ATG7: variants seen among roughly 807,000 people sequenced by gnomAD.
ATG7 encodes the protein ubiquitin-like modifier-activating enzyme ATG7.
A neutral mutation model predicts 82.4 loss-of-function variants in ATG7; 70 were observed. The ratio of observed to expected loss-of-function variants is 0.85; its 90% CI spans 0.70 to 1.04. The LOEUF (loss-of-function observed/expected upper bound fraction) is 1.04. Among genes scored for constraint, ATG7 ranks in the 50% least tolerant of loss-of-function variants. ATG7 has a pLI of 0.00. For synonymous variants in ATG7, 287 were observed against 313.0 expected, an observed-to-expected ratio of 0.92 and a Z score of 0.88; for missense variants, 792 against 864.3, an observed-to-expected ratio of 0.92 and a Z score of 1.05.
intron 20 of ATG7, among the ~76,000 whole-genome samples, chr3:11,494,715 A>G (rs4470494): frequency 6.6e-6 from 1 of 152,188 alleles, no homozygotes. Context: ...TGTGTCAGAT[A>G]CTAGTCATAG....
At chr3:11,435,905 A>T (rs150558845) in intron 20 of ATG7, among the ~76,000 whole-genome samples, 2 of 152,276 alleles carry the variant, frequency 1.3e-5, no homozygotes, top group East Asian at 3.9e-4. Context: ...GCATTTTGCA[A>T]ATCATACCTG....
At chr3:11,289,682 C>T in intron 3 of ATG7, among the ~76,000 whole-genome samples, 1 of 152,136 alleles carries the variant, frequency 6.6e-6, no homozygotes, top group Non-Finnish European at 1.5e-5. Context: ...CTCAGCTTCC[C>T]GAGTTGTTGG....
intron 20 of ATG7, among the ~76,000 whole-genome samples, chr3:11,523,691 G>A (rs185762985): frequency 6.6e-6 from 1 of 152,176 alleles, no homozygotes; most frequent in African/African-American, 2.4e-5. Context: ...AGCAACAAAG[G>A]TTTTAAAATG....
chr3:11,404,734 G>A (rs2080170662), intron 19 of ATG7, among the ~76,000 whole-genome samples: 1 of 152,086 alleles, frequency 6.6e-6, no homozygotes, highest in Non-Finnish European at 1.5e-5. Context: ...CAATCATGGT[G>A]GAAAGCAAAA....
chr3:11,282,337 A>T lies in ATG7; in HGVS notation c.-112A>T, dbSNP rs956731864. The stretch of plus-strand genomic sequence containing the variant: ...GAAAAACAGCTCCTGGAAGTAACCA[A>T]TGAGAAGGACAGATAAGAGTTTGAA... On this transcript the variant is annotated 5_prime_UTR_variant, in exon 3 of 21. An upstream start codon of the reference 5' UTR is lost. Coordinates refer to ENST00000693202, the MANE Select transcript of ATG7 (RefSeq NM_001349232.2). 1 of 152,258 alleles carries T rather than the reference A, an allele frequency of 6.6e-6. No individual in the cohort carries two copies. The highest frequency in any genetic ancestry group is 1.5e-5 in the Non-Finnish European group (1 of 68,050). 9.4% of individuals were successfully genotyped at this position (152,258 alleles called of 1,614,324 possible). A position where few individuals can be genotyped will look rare whatever the true frequency, so the allele number is the denominator to read the frequency against.
chr3:11,424,939 G>A (rs187117158), intron 19 of ATG7, among the ~76,000 whole-genome samples: 11 of 151,886 alleles, frequency 7.2e-5, no homozygotes, highest in Admixed American at 6.6e-4. Context: ...CAGTACTATA[G>A]ACCTGCCTCA....
intron 20 of ATG7, among the ~76,000 whole-genome samples, chr3:11,551,753 CTTTT>C (rs111362668): frequency 4.1e-5 from 6 of 146,886 alleles, no homozygotes; most frequent in Non-Finnish European, 9.0e-5. Context: ...CTTTTCTTTT[CTTTT>C]TTTTTTCTCG....
At chr3:11,414,489 A>G (rs2081197891) in intron 19 of ATG7, among the ~76,000 whole-genome samples, 2 of 152,206 alleles carry the variant, frequency 1.3e-5, no homozygotes, top group Admixed American at 6.5e-5. Flanking sequence ...CATGTCATCT[A>G]TGAACAGACA....
intron 14 of ATG7, among the ~76,000 whole-genome samples, chr3:11,356,376 A>G (rs1010116497): frequency 1.1e-4 from 16 of 152,130 alleles, no homozygotes; most frequent in African/African-American, 3.9e-4. Context: ...TCATTCTTAG[A>G]GATTTCCATT....
intron 20 of ATG7, among the ~76,000 whole-genome samples, chr3:11,505,581 T>G (rs973728875): frequency 6.6e-6 from 1 of 152,174 alleles, no homozygotes; most frequent in African/African-American, 2.4e-5. Flanking sequence ...CCTTTACAAG[T>G]CCTTACCTCC....
At chr3:11,291,906 G>T (rs963710044) in intron 3 of ATG7, among the ~76,000 whole-genome samples, 1 of 152,226 alleles carries the variant, frequency 6.6e-6, no homozygotes, top group Non-Finnish European at 1.5e-5. Context: ...TAAGGCTGCA[G>T]CACCTTATTC....
Position 11,465,074 on chromosome 3 carries a change from C to T in ATG7, c.2079+38148C>T, listed in dbSNP as rs1452905810. Among the ~76,000 whole-genome samples the T allele has an allele frequency of 3.2e-5, 4 of 124,242 alleles. No individual in the cohort carries two copies. The Admixed American group carries it at 3.6e-4, about 11-fold the overall frequency. The allele number at this position is 124,242 out of a possible 152,430, so 81.5% of individuals were successfully genotyped here. A position where few individuals can be genotyped will look rare whatever the true frequency, so the allele number is the denominator to read the frequency against. On this transcript the variant is annotated intron_variant, in intron 20 of 20. Coordinates refer to ENST00000693202, the MANE Select transcript of ATG7 (RefSeq NM_001349232.2). ...AAATTTTTTTTCTTATCAAATCAATCTCTAAAAACCTAAAGTGTGTGTGTG... is the reference window on the plus strand; with the variant it reads ...AAATTTTTTTTCTTATCAAATCAATTTCTAAAAACCTAAAGTGTGTGTGTG...
chr3:11,462,962 T>C (rs2086480545), intron 20 of ATG7, among the ~76,000 whole-genome samples: 1 of 151,960 alleles, frequency 6.6e-6, no homozygotes, highest in African/African-American at 2.4e-5. Flanking sequence ...CTCTGCTCAC[T>C]GCAACCTCTG....
intron 20 of ATG7, among the ~76,000 whole-genome samples, chr3:11,513,892 G>C (rs903368949): frequency 1.3e-5 from 2 of 152,222 alleles, no homozygotes; most frequent in African/African-American, 2.4e-5. Context: ...CTGTGTACCA[G>C]GCACTGGGTT....
At chr3:11,330,215 A>G (rs2595001) in intron 9 of ATG7, among the ~76,000 whole-genome samples, 152,331 of 152,332 alleles carry the variant, frequency 1, 76,165 homozygotes, top group Non-Finnish European at 1. Context: ...TTTTTCTTTG[A>G]AAGTAAATCA....
chr3:11,298,941 A>G, intron 4 of ATG7, 86 bp downstream of exon 4: 1 of 1,457,326 alleles, frequency 6.9e-7, no homozygotes. Flanking sequence ...TTAGAAAGAG[A>G]CAGCCTTGTC....
chr3:11,565,303 A>G, the ATG7 span, among the ~76,000 whole-genome samples: 3,609 of 151,960 alleles, frequency 0.024, 136 homozygotes, highest in African/African-American at 0.083. This position sits in a 1 kb window ranked among gnomAD's most constrained non-coding sequence, Gnocchi z 4.1. Flanking sequence ...TCACTTCTAT[A>G]ATAATCTCCA....
At chr3:11,401,844 A>G (rs1221517202) in intron 19 of ATG7, among the ~76,000 whole-genome samples, 1 of 152,234 alleles carries the variant, frequency 6.6e-6, no homozygotes, top group African/African-American at 2.4e-5. Flanking sequence ...CTCAACTCTC[A>G]GCAGGATTAA....
chr3:11,396,200 A>G (rs1444734599), intron 19 of ATG7, among the ~76,000 whole-genome samples: 1 of 152,038 alleles, frequency 6.6e-6, no homozygotes, highest in African/African-American at 2.4e-5. Context: ...TAATCCCAGC[A>G]CTTTTGGAGG....
Sources: allele counts gnomAD v4.1 joint callset (sites outside exome capture counted in the v4.1 genomes callset), GRCh38; gene constraint gnomAD v4.1.1; non-coding constraint Gnocchi (gnomAD v3.1); transcripts MANE v1.5; gene names NCBI Gene and HGNC (gene_info 2026-07-23, HGNC 2026-07-21).